The following SORBS2 variants were observed in gnomAD, a reference collection of about 807,000 sequenced individuals.
SORBS2 encodes sorbin and SH3 domain-containing protein 2.
SORBS2 carries 46 observed loss-of-function variants against 97.7 expected under a neutral mutation model. That is an observed-to-expected ratio of 0.47 (90% CI 0.37 to 0.60). The LOEUF (loss-of-function observed/expected upper bound fraction) is 0.60. SORBS2 is among the 20% of genes least tolerant of loss of function. SORBS2 has a pLI of 0.00. For synonymous variants in SORBS2, 476 were observed against 473.4 expected, an observed-to-expected ratio of 1.01 and a Z score of -0.07; for missense variants, 1,316 against 1,282.3, an observed-to-expected ratio of 1.03 and a Z score of -0.40.
intron 1 of SORBS2, among the ~76,000 whole-genome samples, chr4:185,885,364 A>G (rs562643068): frequency 6.6e-6 from 1 of 152,370 alleles, no homozygotes; most frequent in South Asian, 2.1e-4. Flanking sequence ...ACACTGCTGA[A>G]TAAATAAGCA....
At chr4:185,652,756 A>T (rs775366212) in intron 1 of SORBS2, 28 bp from the exon 10 acceptor site, 18 of 1,567,596 alleles carry the variant, frequency 1.1e-5, no homozygotes, top group Non-Finnish European at 1.6e-5. Context: ...TCCAATGGTT[A>T]CAAACTGGCT....
At chr4:185,931,930 G>A (rs2099266655) in intron 1 of SORBS2, among the ~76,000 whole-genome samples, 2 of 151,508 alleles carry the variant, frequency 1.3e-5, no homozygotes, top group South Asian at 4.2e-4. Context: ...GTGTGGAAAA[G>A]AATTCTTATA....
At chr4:185,653,591 A>C (rs1011885252) in intron 1 of SORBS2, among the ~76,000 whole-genome samples, 1 of 152,186 alleles carries the variant, frequency 6.6e-6, no homozygotes, top group Non-Finnish European at 1.5e-5. Context: ...TAGGATTGTT[A>C]TGGAAATCGA....
Position 185,662,108 on chromosome 4 carries a change from G to A in SORBS2, c.90C>T (p.Ser30=), listed in dbSNP as rs762992310. 1.9e-6 allele frequency: 3 copies of A among 1,614,092 alleles called. No individual in the cohort carries two copies. In the East Asian group the frequency reaches 6.7e-5, roughly 36 times the overall value. Residue 30 remains serine (S), a synonymous_variant, in exon 5 of 21, where the codon TCC becomes TCT. Transcript: ENST00000284776. ...CACGGTGAGTAAATTACTTACCGAG[G>A]GATGTGCCGTGCTGCATGACAATGC...
At chr4:185,650,404 G>A (rs1405704187) in intron 2 of SORBS2, among the ~76,000 whole-genome samples, 1 of 151,906 alleles carries the variant, frequency 6.6e-6, no homozygotes, top group Non-Finnish European at 1.5e-5. Context: ...AGAAAAAAAG[G>A]CAGAAAAGTG....
chr4:185,597,792 C>T (rs937846064), intron 12 of SORBS2, among the ~76,000 whole-genome samples: 2 of 152,128 alleles, frequency 1.3e-5, no homozygotes, highest in African/African-American at 4.8e-5. Context: ...TAGTGGTGAG[C>T]AATGGCAGCA....
At chr4:185,904,997 G>A (rs1001970430) in intron 1 of SORBS2, among the ~76,000 whole-genome samples, 10 of 152,118 alleles carry the variant, frequency 6.6e-5, no homozygotes, top group African/African-American at 2.2e-4. Flanking sequence ...CCAGCTACTC[G>A]GGAAGCTGAG....
intron 2 of SORBS2, among the ~76,000 whole-genome samples, chr4:185,722,172 G>T (rs2098520025): frequency 6.6e-6 from 1 of 152,194 alleles, no homozygotes; most frequent in Admixed American, 6.5e-5. Context: ...ACAGGATGAT[G>T]AAACGGCTAT....
At chr4:185,773,260 C>G (rs889899085) in intron 2 of SORBS2, 2 of 152,214 alleles carry the variant, frequency 1.3e-5, no homozygotes, top group Non-Finnish European at 2.9e-5. Flanking sequence ...CGCACCCCAT[C>G]CCCCCAACAA....
chr4:185,927,443 C>G (rs1397583414), intron 1 of SORBS2, among the ~76,000 whole-genome samples: 1 of 151,704 alleles, frequency 6.6e-6, no homozygotes. Flanking sequence ...CCCTTGCCCC[C>G]CACCCCCTGA....
chr4:185,708,368 C>T (rs1465628295), intron 2 of SORBS2, among the ~76,000 whole-genome samples: 1 of 152,152 alleles, frequency 6.6e-6, no homozygotes, highest in Non-Finnish European at 1.5e-5. Flanking sequence ...GGAGCACAAC[C>T]AGCGTTTGTT....
chr4:185,881,215 C>T (rs1235378007), intron 1 of SORBS2, among the ~76,000 whole-genome samples: 3 of 151,924 alleles, frequency 2.0e-5, no homozygotes, highest in Non-Finnish European at 4.4e-5. Flanking sequence ...TAGCCCTTTA[C>T]AGAACAATAC....
chr4:185,743,269 G>A (rs746222190), intron 2 of SORBS2, among the ~76,000 whole-genome samples: 3 of 152,080 alleles, frequency 2.0e-5, no homozygotes, highest in Non-Finnish European at 2.9e-5. Flanking sequence ...AGTCTTTTGA[G>A]CTCACTAAAT....
At chr4:185,626,981 T>C in exon 6 of SORBS2, 2 of 1,614,192 alleles carry the variant, frequency 1.2e-6, no homozygotes, top group South Asian at 2.2e-5. Context: ...AGGCTCGCTC[T>C]TCCTCCGCTT....
chr4:185,643,878 T>C (rs1385129182), intron 4 of SORBS2, among the ~76,000 whole-genome samples: 1 of 152,174 alleles, frequency 6.6e-6, no homozygotes, highest in Non-Finnish European at 1.5e-5. Context: ...TGGCCATCGC[T>C]GCGACGCCAC....
chr4:185,877,505 T>C (rs992889511), intron 1 of SORBS2, among the ~76,000 whole-genome samples: 4 of 152,148 alleles, frequency 2.6e-5, no homozygotes, highest in East Asian at 1.9e-4. Context: ...TTATTTTAAA[T>C]CATAAAATGA....
chr4:185,721,594 C>T (rs1437999583), intron 2 of SORBS2, among the ~76,000 whole-genome samples: 1 of 152,168 alleles, frequency 6.6e-6, no homozygotes, highest in African/African-American at 2.4e-5. Context: ...GGAAACCAAG[C>T]ATAATGGAGA....
intron 1 of SORBS2, among the ~76,000 whole-genome samples, chr4:185,824,453 C>A (rs1169827310): frequency 6.6e-6 from 1 of 152,208 alleles, no homozygotes; most frequent in Non-Finnish European, 1.5e-5. Flanking sequence ...AAGTCGCATT[C>A]ACAAGTCCTG....
At position 185,676,953 on chromosome 4, in the gene SORBS2, G is replaced by A. The variant is rs1185159086; in HGVS notation, c.-46+1470C>T. The stretch of plus-strand genomic sequence containing the variant: ...AAACCAAAGGAGTTAGGGTCTCTAC[G>A]ATACGCATGTATTAATACGAAGAGA... On this transcript the variant is annotated intron_variant, in intron 4 of 20. Coordinates refer to the SORBS2 transcript ENST00000284776. 2.6e-5 allele frequency: 39 copies of A among 1,501,436 alleles called. No individual in the cohort carries two copies. In the Middle Eastern group the frequency reaches 6.9e-4, roughly 27 times the overall value. The allele number at this position is 1,501,436 out of a possible 1,614,324, so 93.0% of individuals were successfully genotyped here. A position where few individuals can be genotyped will look rare whatever the true frequency, so the allele number is the denominator to read the frequency against.
Sources: gnomAD v4.1 joint callset for allele counts (sites outside exome capture counted in the v4.1 genomes callset) on GRCh38, gnomAD v4.1.1 for gene constraint, MANE v1.5 for transcripts, NCBI Gene and HGNC (gene_info 2026-07-23, HGNC 2026-07-21) for gene names.